The following CEP97 variants were observed in gnomAD, a reference collection of about 807,000 sequenced individuals.
CEP97 encodes the protein centrosomal protein 97, also known as centrosomal protein of 97 kDa.
In CEP97, 43 loss-of-function variants were observed where a neutral mutation model predicts 73.1. The observed-to-expected ratio is 0.59, with a 90% CI of 0.46 to 0.76. The LOEUF is 0.76. CEP97 is among the 30% of genes least tolerant of loss of function. CEP97 has a pLI of 0.00. For missense variants in CEP97, 939 were observed against 1,014.0 expected (o/e 0.93, Z 1.00); for synonymous variants, 337 against 370.0 (o/e 0.91, Z 1.02).
intron 6 of CEP97, among the ~76,000 whole-genome samples, chr3:101,745,777 T>C (rs750913218): frequency 5.3e-5 from 8 of 152,020 alleles, no homozygotes; most frequent in Non-Finnish European, 1.0e-4. Flanking sequence ...TATTATACTT[T>C]AAGTTTTAGG....
chr3:101,767,394 C>T lies in CEP97; in HGVS notation c.*1843C>T, dbSNP rs529281544. ...GATTTTGAATGTCTTCTTAAATATA[C>T]CCTATTTTTCTATTTTAAAGTTAAG... is the stretch of plus-strand genomic sequence containing the variant. On this transcript the variant is annotated 3_prime_UTR_variant, in exon 11 of 11. Transcript: ENST00000341893. The T allele has an allele frequency of 6.6e-6, 1 of 152,126 alleles. No individual in the cohort carries two copies. The highest frequency in any genetic ancestry group is 2.4e-5 in the African/African-American group (1 of 41,490). 9.4% of individuals were successfully genotyped at this position (152,126 alleles called of 1,614,324 possible).
At chr3:101,751,879 G>T (rs1269492609) in intron 6 of CEP97, among the ~76,000 whole-genome samples, 1 of 152,192 alleles carries the variant, frequency 6.6e-6, no homozygotes, top group South Asian at 2.1e-4. Flanking sequence ...TTGCCAGTCT[G>T]TGTCTTTTAA....
At chr3:101,747,906 T>TG (rs1938673320) in intron 6 of CEP97, among the ~76,000 whole-genome samples, 1 of 151,538 alleles carries the variant, frequency 6.6e-6, no homozygotes, top group Non-Finnish European at 1.5e-5. Context: ...GAGGATCACT[T>TG]GAAGTCAGCA....
intron 1 of CEP97, among the ~76,000 whole-genome samples, chr3:101,725,600 A>G (rs879604330): frequency 1.3e-5 from 2 of 152,126 alleles, no homozygotes; most frequent in Admixed American, 1.3e-4. Context: ...AATTTTTCAG[A>G]GGGGCTCACG....
At position 101,759,780 on chromosome 3, in the gene CEP97, T is replaced by A. The variant is rs899331646; in HGVS notation, c.1817+1357T>A. ...CTTCCCAAGAGCAGCTTCAGTGGTG[T>A]AGAGGGATGAAGGCCATTTTGGAAT... On this transcript the variant is annotated intron_variant, in intron 9 of 10. Transcript: ENST00000341893. Among the ~76,000 whole-genome samples the A allele has an allele frequency of 2.6e-5, 4 of 151,990 alleles. No individual in the cohort carries two copies. The East Asian group carries it at 5.8e-4, about 22-fold the overall frequency.
Position 101,728,895 on chromosome 3 carries a change from T to C in CEP97, c.405T>C (p.Asn135=). ...AGCATCTCGATTTATCAGACAATAA[T>C]ATATCCCAGATAGGTGATCTATCTA... ...ALQHLDLSDN[N]ISQIGDLSKL... is the part of the protein sequence containing the mutation. The change falls in exon 4 of 11, where the codon AAT becomes AAC. Residue 135 remains asparagine, a synonymous_variant. Transcript: ENST00000341893. The C allele has an allele frequency of 6.2e-7, 1 of 1,604,248 alleles. No homozygotes were observed. The highest frequency in any genetic ancestry group is 8.5e-7 in the Non-Finnish European group (1 of 1,170,942).
intron 2 of CEP97, 46 bp downstream of exon 2, chr3:101,726,782 A>G (rs773137183): frequency 5.8e-6 from 8 of 1,374,282 alleles, no homozygotes; most frequent in African/African-American, 1.5e-5. Flanking sequence ...TCAATTTATT[A>G]TTAAACAAAA....
intron 6 of CEP97, among the ~76,000 whole-genome samples, chr3:101,739,326 A>G (rs759985992): frequency 1.3e-5 from 2 of 152,210 alleles, no homozygotes; most frequent in Non-Finnish European, 2.9e-5. Flanking sequence ...TTATGAGGTC[A>G]GCAACATCCT....
chr3:101,731,995 A>T lies in CEP97; in HGVS notation c.561+42A>T, dbSNP rs187342025. On this transcript the variant is annotated intron_variant, in intron 5 of 10. Coordinates refer to ENST00000341893, the MANE Select transcript of CEP97 (RefSeq NM_024548.4). The stretch of plus-strand genomic sequence containing the variant: ...TTTTGTGAGATTCAGGAAGCTGGAA[A>T]TCCTAGGAAAGACACAGGAGAGGGT... The T allele has an allele frequency of 5.5e-5, 64 of 1,158,808 alleles. No individual in the cohort carries two copies. In the African/African-American group the frequency reaches 9.4e-4, roughly 17 times the overall value. The allele number at this position is 1,158,808 out of a possible 1,614,324, so 71.8% of individuals were successfully genotyped here.
intron 10 of CEP97, 84 bp downstream of exon 10, chr3:101,762,644 G>A (rs1161207050): frequency 4.9e-6 from 5 of 1,022,818 alleles, no homozygotes; most frequent in African/African-American, 3.3e-5. Context: ...GTACTCAGGT[G>A]TATTAAGCAC....
chr3:101,765,103 CT>C lies in CEP97; in HGVS notation c.2153del (p.Leu718TrpfsTer15), dbSNP rs750600855. The C allele has an allele frequency of 1.1e-5, 17 of 1,614,160 alleles. No individual in the cohort carries two copies. The highest frequency in any genetic ancestry group is 1.2e-5 in the Non-Finnish European group (14 of 1,180,030). The stretch of plus-strand genomic sequence containing the variant: ...GAACAAGTTCATTCATTGCAGCATT[CT>C]TTGGATTTTGAGAAAAGTTCCACAG... ...LTEQVHSLQH[S>X]LDFEKSSTEG... On this transcript the variant is annotated frameshift_variant, in exon 11 of 11. Coordinates refer to ENST00000341893, the MANE Select transcript of CEP97 (RefSeq NM_024548.4). LOFTEE classifies it low-confidence loss of function (END_TRUNC).
rs1939313131 is a variant in CEP97 at position 101,766,139 on chromosome 3, T to C, written c.*588T>C. 1 of 152,216 alleles carries C rather than the reference T, an allele frequency of 6.6e-6. No homozygotes were observed. The highest frequency in any genetic ancestry group is 1.5e-5 in the Non-Finnish European group (1 of 68,042). 9.4% of individuals were successfully genotyped at this position (152,216 alleles called of 1,614,324 possible). On this transcript the variant is annotated 3_prime_UTR_variant, in exon 11 of 11. Transcript: ENST00000341893. Reference sequence around the variant, plus strand: ...AAGGTAGGATTATAAGATTTCTCAATGGGGATGATTAAATTGTCTCATGGA... The same window carrying C: ...AAGGTAGGATTATAAGATTTCTCAACGGGGATGATTAAATTGTCTCATGGA...
intron 6 of CEP97, among the ~76,000 whole-genome samples, chr3:101,752,196 C>T (rs946526451): frequency 2.0e-5 from 3 of 152,174 alleles, no homozygotes; most frequent in African/African-American, 7.2e-5. Context: ...AAATTCTTTT[C>T]TTTAAGAATG....
At chr3:101,733,782 G>A (rs953391896) in intron 6 of CEP97, among the ~76,000 whole-genome samples, 10 of 151,974 alleles carry the variant, frequency 6.6e-5, no homozygotes, top group African/African-American at 1.2e-4. Flanking sequence ...CACCCGCCTC[G>A]GCCTCCCAAA....
intron 9 of CEP97, among the ~76,000 whole-genome samples, chr3:101,760,193 G>C (rs1410641132): frequency 6.6e-6 from 1 of 152,104 alleles, no homozygotes; most frequent in African/African-American, 2.4e-5. Flanking sequence ...GTCTGATGCT[G>C]CTTCTTTTTC....
intron 6 of CEP97, among the ~76,000 whole-genome samples, chr3:101,747,391 C>G (rs896011973): frequency 6.6e-6 from 1 of 151,008 alleles, no homozygotes; most frequent in Admixed American, 6.6e-5. Context: ...TCCCGAGTAG[C>G]TGGGACTATA....
chr3:101,762,902 A>G (rs1939209792), intron 10 of CEP97, among the ~76,000 whole-genome samples: 1 of 152,350 alleles, frequency 6.6e-6, no homozygotes, highest in African/African-American at 2.4e-5. Flanking sequence ...TATTTGAATG[A>G]ATTGTGATTA....
intron 9 of CEP97, chr3:101,758,648 C>T: frequency 1.8e-6 from 1 of 545,790 alleles, no homozygotes; most frequent in Non-Finnish European, 3.3e-6. Context: ...TACATAGATG[C>T]AGTGTAGTAA....
chr3:101,758,017 A>T lies in CEP97; in HGVS notation c.1411A>T (p.Ile471Phe). Residue 471 changes from isoleucine (I) to phenylalanine (F), a missense_variant, in exon 9 of 11, where the codon ATC (isoleucine) becomes TTC (phenylalanine). Physicochemically the swap from Ile to Phe is conservative, Grantham distance 21 (BLOSUM62 0). Transcript: ENST00000341893. ...ENSVQMMRSE[I>F]NTEVNEKAGL... ...TTCTGTTCAAATGATGAGAAGTGAA[A>T]TCAATACAGAGGTAAATGAGAAAGC... The T allele has an allele frequency of 6.2e-7, 1 of 1,614,246 alleles. No homozygotes were observed. Among genetic ancestry groups the T allele is most frequent in the Non-Finnish European group, 8.5e-7 (1 of 1,180,050 alleles).
Sources: gnomAD v4.1 joint callset for allele counts (sites outside exome capture counted in the v4.1 genomes callset) on GRCh38, gnomAD v4.1.1 for gene constraint, MANE v1.5 for transcripts, NCBI Gene and HGNC (gene_info 2026-07-23, HGNC 2026-07-21) for gene names.